Variants in ERC2 observed in about 807,000 individuals in gnomAD.
ERC2 encodes ERC protein 2.
Under a neutral mutation model 114.8 loss-of-function variants are expected in ERC2, and 42 were observed. The ratio of observed to expected loss-of-function variants is 0.37; its 90% CI spans 0.29 to 0.47. The LOEUF (loss-of-function observed/expected upper bound fraction) is 0.47. ERC2 is among the 20% of genes least tolerant of loss of function. ERC2 has a pLI of 0.99. For synonymous variants in ERC2, 454 were observed against 425.5 expected (o/e 1.07, Z -0.82); for missense variants, 939 against 1,150.7 (o/e 0.82, Z 2.66).
intron 7 of ERC2, among the ~76,000 whole-genome samples, chr3:56,065,357 G>A (rs1384746357): frequency 6.6e-6 from 1 of 151,748 alleles, no homozygotes; most frequent in Non-Finnish European, 1.5e-5. Context: ...CGAACAGGTG[G>A]AACTACAGGC....
At chr3:55,602,524 T>G (rs1183336185) in intron 17 of ERC2, among the ~76,000 whole-genome samples, 2 of 152,176 alleles carry the variant, frequency 1.3e-5, no homozygotes, top group African/African-American at 4.8e-5. Flanking sequence ...CATCTACTAT[T>G]AGTGGACACT....
chr3:55,868,613 G>A (rs1377261077), intron 14 of ERC2, among the ~76,000 whole-genome samples: 2 of 152,186 alleles, frequency 1.3e-5, no homozygotes, highest in Non-Finnish European at 2.9e-5. Context: ...TCTGCTGGCT[G>A]CTGCTCAGTA....
chr3:55,664,816 A>G (rs1482870615), intron 17 of ERC2, among the ~76,000 whole-genome samples: 1 of 152,234 alleles, frequency 6.6e-6, no homozygotes, highest in East Asian at 1.9e-4. Flanking sequence ...AACCTGGAAG[A>G]TCAAGTTTGC....
intron 3 of ERC2, among the ~76,000 whole-genome samples, chr3:56,215,750 A>T (rs9840027): frequency 0.044 from 6,662 of 152,220 alleles, 202 homozygotes; most frequent in African/African-American, 0.082. Context: ...GAAGTAAAGC[A>T]CTCCTCAGCA....
At chr3:55,939,093 A>T (rs2066624811) in intron 13 of ERC2, among the ~76,000 whole-genome samples, 1 of 152,236 alleles carries the variant, frequency 6.6e-6, no homozygotes, top group South Asian at 2.1e-4. Flanking sequence ...GCTTCATATC[A>T]GTTTTCTTAA....
intron 17 of ERC2, among the ~76,000 whole-genome samples, chr3:55,662,529 T>C (rs1388314433): frequency 5.3e-5 from 8 of 152,234 alleles, no homozygotes; most frequent in Non-Finnish European, 1.0e-4. Context: ...GCATTATTTG[T>C]AAATGCAGAC....
chr3:55,863,392 T>C (rs902169286), intron 14 of ERC2, among the ~76,000 whole-genome samples: 2 of 152,112 alleles, frequency 1.3e-5, no homozygotes, highest in East Asian at 1.9e-4. Flanking sequence ...GAAAATACTA[T>C]AAGTACATGG....
At chr3:56,143,609 T>C (rs2080986378) in intron 5 of ERC2, among the ~76,000 whole-genome samples, 1 of 152,202 alleles carries the variant, frequency 6.6e-6, no homozygotes, top group Non-Finnish European at 1.5e-5. Context: ...CCCAGCCATG[T>C]GGAATTGTGA....
chr3:55,930,573 C>A (rs2066018363), intron 13 of ERC2, among the ~76,000 whole-genome samples: 1 of 152,062 alleles, frequency 6.6e-6, no homozygotes, highest in South Asian at 2.1e-4. Flanking sequence ...GAAACTGGAC[C>A]CCTTCCTTAC....
chr3:55,642,990 T>C (rs777059444), intron 17 of ERC2, among the ~76,000 whole-genome samples: 8 of 152,220 alleles, frequency 5.3e-5, no homozygotes, highest in Non-Finnish European at 1.0e-4. Flanking sequence ...TATATTTTCA[T>C]GGGCAAATAT....
chr3:56,053,205 G>A (rs533368422), intron 7 of ERC2, among the ~76,000 whole-genome samples: 1 of 152,304 alleles, frequency 6.6e-6, no homozygotes, highest in South Asian at 2.1e-4. Context: ...CACATGCCTT[G>A]TGTGAGTGGT....
chr3:55,672,743 G>T (rs777353740), intron 17 of ERC2, among the ~76,000 whole-genome samples: 3 of 152,190 alleles, frequency 2.0e-5, no homozygotes, highest in African/African-American at 4.8e-5. Context: ...CTCAGTGTTT[G>T]TCAGGACAGC....
chr3:55,842,742 G>C (rs754114484), intron 14 of ERC2, among the ~76,000 whole-genome samples: 1 of 151,992 alleles, frequency 6.6e-6, no homozygotes. Context: ...TGTTTTCCCA[G>C]ATCTCAAGAA....
At chr3:56,324,203 AC>A (rs1697641879) in intron 2 of ERC2, among the ~76,000 whole-genome samples, 1 of 152,314 alleles carries the variant, frequency 6.6e-6, no homozygotes, top group South Asian at 2.1e-4. Context: ...TTAAAGGATG[AC>A]TAAGGAAGCA....
chr3:55,938,101 G>A (rs778712641), intron 13 of ERC2, among the ~76,000 whole-genome samples: 3 of 149,888 alleles, frequency 2.0e-5, no homozygotes, highest in Non-Finnish European at 4.4e-5. Flanking sequence ...TCATGGTTCT[G>A]TCTGTCCATT....
intron 14 of ERC2, among the ~76,000 whole-genome samples, chr3:55,812,677 G>A (rs1355416435): frequency 6.6e-6 from 1 of 152,210 alleles, no homozygotes; most frequent in African/African-American, 2.4e-5. Flanking sequence ...AGCACAGAGA[G>A]TTTGACTATT....
At position 56,441,691 on chromosome 3, in the gene ERC2, G is replaced by A. The variant is rs922600690; in HGVS notation, c.-140-6544C>T. Among the ~76,000 whole-genome samples, 11 of 152,098 alleles carry A rather than the reference G, an allele frequency of 7.2e-5. No individual in the cohort carries two copies. In the East Asian group the frequency reaches 1.2e-3, roughly 16 times the overall value. Reference sequence around the variant, plus strand: ...ATAATCTCGGCTCACTGCAACCTCCGCCTCCCGGGTTCAAGTGGCTAATTT... The same window carrying A: ...ATAATCTCGGCTCACTGCAACCTCCACCTCCCGGGTTCAAGTGGCTAATTT... On this transcript the variant is annotated intron_variant, in intron 1 of 17. Transcript: ENST00000288221.
intron 14 of ERC2, among the ~76,000 whole-genome samples, chr3:55,798,530 G>T (rs747884083): frequency 6.6e-6 from 1 of 151,850 alleles, no homozygotes; most frequent in Non-Finnish European, 1.5e-5. Flanking sequence ...CTTGGGAGGC[G>T]GAGGTTGCAG....
intron 17 of ERC2, among the ~76,000 whole-genome samples, chr3:55,642,314 A>G (rs1203128513): frequency 2.1e-5 from 3 of 145,918 alleles, no homozygotes; most frequent in Non-Finnish European, 4.5e-5. Context: ...TCCACAGATC[A>G]CAGCTTTTTT....
Sources: allele counts gnomAD v4.1 joint callset (sites outside exome capture counted in the v4.1 genomes callset), GRCh38; gene constraint gnomAD v4.1.1; transcripts MANE v1.5; gene names NCBI Gene and HGNC (gene_info 2026-07-23, HGNC 2026-07-21).